SLCO3A1: variants seen among roughly 807,000 people sequenced by gnomAD.
The protein encoded by SLCO3A1 is solute carrier organic anion transporter family member 3A1, also known as PGE1 transporter.
Under a neutral mutation model 63.1 loss-of-function variants are expected in SLCO3A1, and 27 were observed. The observed-to-expected ratio is 0.43, with a 90% CI of 0.32 to 0.59. SLCO3A1 has a LOEUF of 0.59. SLCO3A1 is among the 20% of genes least tolerant of loss of function. The probability of loss-of-function intolerance (pLI) is 0.09; values close to 1 mark genes in which losing one functional copy is unlikely to be tolerated. For synonymous variants in SLCO3A1, 473 were observed against 409.9 expected, an observed-to-expected ratio of 1.15 and a Z score of -1.86; for missense variants, 773 against 945.8, an observed-to-expected ratio of 0.82 and a Z score of 2.40.
rs1900117071 is a variant in SLCO3A1 at position 91,954,840 on chromosome 15, C to A, written c.646+38382C>A. On this transcript the variant is annotated intron_variant, in intron 2 of 9. Transcript: ENST00000318445. The surrounding 1 kb of genome is among the most constrained non-coding windows in gnomAD (Gnocchi z 4.7). ...CTAGACACCATACCCTGAACCGCCCCCCGTGGTCTCCCGCTGCTTTCTGCC... is the reference window on the plus strand; with the variant it reads ...CTAGACACCATACCCTGAACCGCCCACCGTGGTCTCCCGCTGCTTTCTGCC... 6.6e-6 allele frequency among the ~76,000 whole-genome samples: 1 copy of A among 152,010 alleles called. No homozygotes were observed. Among genetic ancestry groups the A allele is most frequent in the South Asian group, 2.1e-4 (1 of 4,818 alleles).
At chr15:91,962,645 G>T (rs1900493270) in intron 2 of SLCO3A1, among the ~76,000 whole-genome samples, 1 of 151,982 alleles carries the variant, frequency 6.6e-6, no homozygotes, top group Non-Finnish European at 1.5e-5. Context: ...GCTGTGGAAG[G>T]TCCTAAGCCC....
intron 2 of SLCO3A1, among the ~76,000 whole-genome samples, chr15:92,039,201 A>G (rs2046765254): frequency 6.6e-6 from 1 of 152,216 alleles, no homozygotes. Context: ...TGCCAAAAGC[A>G]ATTACAACAA....
rs904460638 is a variant in SLCO3A1, at chr15:92,134,919, G to A, written c.1512+6430G>A. 4.6e-5 allele frequency among the ~76,000 whole-genome samples: 7 copies of A among 151,962 alleles called. No homozygotes were observed. In the East Asian group the frequency reaches 1.4e-3, roughly 29 times the overall value. On this transcript the variant is annotated intron_variant, in intron 7 of 9. Coordinates refer to ENST00000318445, the MANE Select transcript of SLCO3A1 (RefSeq NM_013272.4). ...GAAGGAGGGAGTGGGCATGTTCTCC[G>A]CTGGGGGATGGGGTGAATGAGACCC...
At chr15:92,061,584 T>C (rs1489783435) in intron 2 of SLCO3A1, among the ~76,000 whole-genome samples, 1 of 152,194 alleles carries the variant, frequency 6.6e-6, no homozygotes, top group African/African-American at 2.4e-5. Flanking sequence ...AAAGAGCTAA[T>C]AGGGCTGTTG....
At chr15:92,162,104 A>T (rs2048446102) in intron 9 of SLCO3A1, 1 of 150,992 alleles carries the variant, frequency 6.6e-6, no homozygotes. Context: ...TTACATGGTA[A>T]AGTGACACAG....
At chr15:92,122,971 G>C (rs536044399) in intron 5 of SLCO3A1, among the ~76,000 whole-genome samples, 41 of 152,332 alleles carry the variant, frequency 2.7e-4, no homozygotes, top group Non-Finnish European at 5.1e-4. Context: ...ACCTTTGGGG[G>C]AAGCTAACTG....
chr15:92,043,637 C>T (rs1400496644), intron 2 of SLCO3A1, among the ~76,000 whole-genome samples: 3 of 152,332 alleles, frequency 2.0e-5, no homozygotes, highest in South Asian at 4.1e-4. Context: ...CATTTGTATT[C>T]CTTTCTTAGC....
In SLCO3A1 at chr15:92,091,628, C is replaced by T. The variant is rs1465809796; in HGVS notation, c.647-3253C>T. Among the ~76,000 whole-genome samples, 11 of 152,276 alleles carry T rather than the reference C, an allele frequency of 7.2e-5. No individual in the cohort carries two copies. The East Asian group carries it at 2.1e-3, about 29-fold the overall frequency. The stretch of plus-strand genomic sequence containing the variant: ...ACTTCCCGATGCACGAAGGCCCCTC[C>T]CACGTCCCACCACCGGACTGTCCTT... On this transcript the variant is annotated intron_variant, in intron 2 of 9. Coordinates refer to ENST00000318445, the MANE Select transcript of SLCO3A1 (RefSeq NM_013272.4).
downstream of SLCO3A1, chr15:92,166,017 G>C (rs1364610022): frequency 2.3e-6 from 1 of 441,802 alleles, no homozygotes; most frequent in African/African-American, 2.1e-5. Flanking sequence ...TAACTCCTAC[G>C]TAGAGACAAA....
intron 1 of SLCO3A1, among the ~76,000 whole-genome samples, chr15:91,889,453 A>G (rs1196518346): frequency 1.3e-5 from 2 of 152,232 alleles, no homozygotes; most frequent in East Asian, 1.9e-4. Context: ...AGATGTGTAC[A>G]TTAGTCTGAG....
chr15:91,934,508 C>CT (rs1243293665), intron 2 of SLCO3A1, among the ~76,000 whole-genome samples: 1 of 152,320 alleles, frequency 6.6e-6, no homozygotes, highest in East Asian at 1.9e-4. Context: ...TGCCAAATGA[C>CT]TTCTTTTTAA....
At position 91,942,230 on chromosome 15, in the gene SLCO3A1, C is replaced by T. The variant is rs1240294709; in HGVS notation, c.646+25772C>T. 6.6e-6 allele frequency among the ~76,000 whole-genome samples: 1 copy of T among 152,192 alleles called. No individual in the cohort carries two copies. The highest frequency in any genetic ancestry group is 1.5e-5 in the Non-Finnish European group (1 of 68,028). ...CCTCAATATTTTATATTTGACTCTT[C>T]TGTGAAATCCAAAAATGTAGCAACT... On this transcript the variant is annotated intron_variant, in intron 2 of 9. Coordinates refer to ENST00000318445, the MANE Select transcript of SLCO3A1 (RefSeq NM_013272.4). This position sits in a 1 kb window ranked among gnomAD's most constrained non-coding sequence, Gnocchi z 4.1.
At chr15:91,892,471 G>A (rs1325393990) in intron 1 of SLCO3A1, among the ~76,000 whole-genome samples, 1 of 152,224 alleles carries the variant, frequency 6.6e-6, no homozygotes, top group Non-Finnish European at 1.5e-5. Flanking sequence ...CTGGAATGGA[G>A]GTAGGACTTA....
At chr15:92,080,338 G>T (rs1017264162) in intron 2 of SLCO3A1, among the ~76,000 whole-genome samples, 1 of 151,852 alleles carries the variant, frequency 6.6e-6, no homozygotes, top group Non-Finnish European at 1.5e-5. Context: ...TTTTAAACAG[G>T]GTCTCTGCTT....
At chr15:92,016,254 T>TTGATTGATTAGATAGA (rs1555424442) in intron 2 of SLCO3A1, among the ~76,000 whole-genome samples, 62 of 95,706 alleles carry the variant, frequency 6.5e-4, no homozygotes, top group African/African-American at 2.1e-3. Context: ...GATAGATAGA[T>TTGATTGATTAGATAGA]TAGATAGATA....
chr15:91,926,596 T>TGTGTGTGTGTGTGTGTGTGTGTGTGTGC, intron 2 of SLCO3A1, among the ~76,000 whole-genome samples: 40 of 105,316 alleles, frequency 3.8e-4, no homozygotes, highest in African/African-American at 1.2e-3. Flanking sequence ...TGTGTGTGTG[T>TGTGTGTGTGTGTGTGTGTGTGTGTGTGC]GCGCGCGCGC....
chr15:92,100,721 C>G lies in SLCO3A1; in HGVS notation c.746-3558C>G, dbSNP rs147532122. Among the ~76,000 whole-genome samples, 124 of 152,284 alleles carry G rather than the reference C, an allele frequency of 8.1e-4. 1 individual carries two copies. The highest frequency in any genetic ancestry group is 2.7e-3 in the African/African-American group (113 of 41,552). ...GAACGTGGATTTCTATTTCCTAAACCTTTTGTACTAGTCAGGGTAGGCTAG... is the reference window on the plus strand; with the variant it reads ...GAACGTGGATTTCTATTTCCTAAACGTTTTGTACTAGTCAGGGTAGGCTAG... On this transcript the variant is annotated intron_variant, in intron 3 of 9. Transcript: ENST00000318445.
chr15:91,982,319 A>G (rs1467718848), intron 2 of SLCO3A1, among the ~76,000 whole-genome samples: 1 of 152,260 alleles, frequency 6.6e-6, no homozygotes, highest in Admixed American at 6.5e-5. Flanking sequence ...GTGTCTAGTT[A>G]AGTAACAGGT....
At chr15:91,976,971 C>G (rs1442528565) in intron 2 of SLCO3A1, among the ~76,000 whole-genome samples, 1 of 152,128 alleles carries the variant, frequency 6.6e-6, no homozygotes, top group Non-Finnish European at 1.5e-5. Flanking sequence ...AACATCTTAT[C>G]AGGAGACAGG....
Sources: allele counts gnomAD v4.1 joint callset (sites outside exome capture counted in the v4.1 genomes callset), GRCh38; gene constraint gnomAD v4.1.1; non-coding constraint Gnocchi (gnomAD v3.1); transcripts MANE v1.5; gene names NCBI Gene and HGNC (gene_info 2026-07-23, HGNC 2026-07-21).